Variants in ANKRD46 observed in about 807,000 individuals in gnomAD.
The protein encoded by ANKRD46 is ankyrin repeat domain 46.
Under a neutral mutation model 19.8 loss-of-function variants are expected in ANKRD46, and 13 were observed. That is an observed-to-expected ratio of 0.66 (90% CI 0.43 to 1.04). The LOEUF is 1.04. Among genes scored for constraint, ANKRD46 ranks in the 50% least tolerant of loss-of-function variants. ANKRD46 has a pLI of 0.00. For synonymous variants in ANKRD46, 91 were observed against 106.9 expected (o/e 0.85, Z 0.92); for missense variants, 185 against 274.8 (o/e 0.67, Z 2.31).
At position 100,527,824 on chromosome 8, in the gene ANKRD46, A is replaced by T. The variant is rs199605523; in HGVS notation, c.470+21T>A. On this transcript the variant is annotated intron_variant, in intron 4 of 4. Transcript: ENST00000335659. This position sits in a 1 kb window ranked among gnomAD's most constrained non-coding sequence, Gnocchi z 4.0. Reference sequence around the variant, plus strand: ...AGGAATGAGTAATACAGTGAGAAAAAAAAAGTTGTATCTCCAGTACCTTTC... The same window carrying T: ...AGGAATGAGTAATACAGTGAGAAAATAAAAGTTGTATCTCCAGTACCTTTC... 1.0e-4 allele frequency: 160 copies of T among 1,607,332 alleles called. No homozygotes were observed. In the East Asian group the frequency reaches 2.8e-3, roughly 28 times the overall value.
In ANKRD46 at chr8:100,533,250, G is replaced by A. The variant is rs1401670791; in HGVS notation, c.-69C>T. On this transcript the variant is annotated 5_prime_UTR_variant, in exon 2 of 5. Transcript: ENST00000335659. ...GATCTTTTCGTTCAGTGGTCACTCA[G>A]CAGTTTCTCTGAATTCTCAAGAAGG... 3.9e-5 allele frequency: 6 copies of A among 152,210 alleles called. No individual in the cohort carries two copies. The highest frequency in any genetic ancestry group is 1.4e-4 in the African/African-American group (6 of 41,458). 9.4% of individuals were successfully genotyped at this position (152,210 alleles called of 1,614,324 possible).
At chr8:100,528,091 C>CG in intron 3 of ANKRD46, 88 bp from the exon 4 acceptor site, 2 of 1,327,602 alleles carry the variant, frequency 1.5e-6, no homozygotes, top group Non-Finnish European at 2.0e-6. Context: ...TTTTTAGTAC[C>CG]CACTTATATA....
At chr8:100,556,148 G>T (rs1206712165) in intron 1 of ANKRD46, among the ~76,000 whole-genome samples, 2 of 152,176 alleles carry the variant, frequency 1.3e-5, no homozygotes, top group Non-Finnish European at 2.9e-5. Flanking sequence ...AGCCTTCCAA[G>T]TAGCTGGGAC....
intron 1 of ANKRD46, among the ~76,000 whole-genome samples, chr8:100,535,558 T>A (rs1365231339): frequency 1.3e-5 from 2 of 152,214 alleles, no homozygotes; most frequent in Admixed American, 6.5e-5. Context: ...TTCCCTCCCA[T>A]GCCAGTCTCT....
At chr8:100,513,952 T>C (rs898644834) in intron 5 of ANKRD46, among the ~76,000 whole-genome samples, 3 of 152,232 alleles carry the variant, frequency 2.0e-5, no homozygotes, top group African/African-American at 7.2e-5. Flanking sequence ...TCTTATGGAC[T>C]GAAATTTCGG....
chr8:100,529,461 A>C lies in ANKRD46; in HGVS notation c.311+62T>G, dbSNP rs1811911389. On this transcript the variant is annotated intron_variant, in intron 3 of 4. Coordinates refer to ENST00000335659, the MANE Select transcript of ANKRD46 (RefSeq NM_001270377.2). The surrounding 1 kb of genome is among the most constrained non-coding windows in gnomAD (Gnocchi z 5.8). ...ACAAAACCAACAGACCCAAGATAAG[A>C]TTATCAGTTGAGAGATTAATGGGAA... The C allele has an allele frequency of 6.7e-7, 1 of 1,483,362 alleles. No individual in the cohort carries two copies. Among genetic ancestry groups the C allele is most frequent in the Non-Finnish European group, 9.1e-7 (1 of 1,094,558 alleles). 91.9% of individuals were successfully genotyped at this position (1,483,362 alleles called of 1,614,324 possible). A position where few individuals can be genotyped will look rare whatever the true frequency, so the allele number is the denominator to read the frequency against.
chr8:100,519,436 G>A (rs1264748209), downstream of ANKRD46, among the ~76,000 whole-genome samples: 1 of 152,198 alleles, frequency 6.6e-6, no homozygotes, highest in Non-Finnish European at 1.5e-5. Context: ...AAAGATTCTG[G>A]ATGATGTCAC....
chr8:100,537,354 C>T lies in ANKRD46; in HGVS notation c.-130-4043G>A, dbSNP rs1363690680. 1.3e-5 allele frequency among the ~76,000 whole-genome samples: 2 copies of T among 152,136 alleles called. No homozygotes were observed. The highest frequency in any genetic ancestry group is 4.8e-5 in the African/African-American group (2 of 41,432). On this transcript the variant is annotated intron_variant, in intron 1 of 4. Coordinates refer to ENST00000335659, the MANE Select transcript of ANKRD46 (RefSeq NM_001270377.2). This position sits in a 1 kb window ranked among gnomAD's most constrained non-coding sequence, Gnocchi z 4.2. Reference sequence around the variant, plus strand: ...TTTGGTCAGAGATCAAAGCACCAGACATTTCAACAAAATGCAAGGAAAAAA... The same window carrying T: ...TTTGGTCAGAGATCAAAGCACCAGATATTTCAACAAAATGCAAGGAAAAAA...
chr8:100,549,470 GA>G (rs1812338195), intron 1 of ANKRD46, among the ~76,000 whole-genome samples: 1 of 152,126 alleles, frequency 6.6e-6, no homozygotes, highest in African/African-American at 2.4e-5. Context: ...AAAAAATTGA[GA>G]ATTCTGATTT....
rs1205002268 is a variant in ANKRD46 at position 100,529,226 on chromosome 8, G to A, written c.311+297C>T. Among the ~76,000 whole-genome samples the A allele has an allele frequency of 6.6e-6, 1 of 152,178 alleles. No homozygotes were observed. The highest frequency in any genetic ancestry group is 1.5e-5 in the Non-Finnish European group (1 of 68,036). ...TGAGCTAACAAGTAAACACAGTCTAGCTCATAGATTTTCAACAAATGTTCT... is the reference window on the plus strand; with the variant it reads ...TGAGCTAACAAGTAAACACAGTCTAACTCATAGATTTTCAACAAATGTTCT... On this transcript the variant is annotated intron_variant, in intron 3 of 4. Coordinates refer to ENST00000335659, the MANE Select transcript of ANKRD46 (RefSeq NM_001270377.2). The surrounding 1 kb of genome is among the most constrained non-coding windows in gnomAD (Gnocchi z 5.8).
At chr8:100,517,170 G>A (rs559001010), downstream of ANKRD46, among the ~76,000 whole-genome samples, 1 of 152,266 alleles carries the variant, frequency 6.6e-6, no homozygotes, top group South Asian at 2.1e-4. Context: ...ACTACTATTA[G>A]CACAGTTCAA....
At position 100,511,906 on chromosome 8, in the gene ANKRD46, C is replaced by T. The variant is rs879523756; in HGVS notation, c.637-1267G>A. Among the ~76,000 whole-genome samples, 17 of 152,132 alleles carry T rather than the reference C, an allele frequency of 1.1e-4. No homozygotes were observed. The highest frequency in any genetic ancestry group is 4.6e-4 in the Admixed American group (7 of 15,272). On this transcript the variant is annotated intron_variant, in intron 5 of 5. Coordinates refer to the ANKRD46 transcript ENST00000520552. The surrounding 1 kb of genome is among the most constrained non-coding windows in gnomAD (Gnocchi z 4.1). ...TGGGTGGGGTGGTGCATGCCTGTAA[C>T]CCCAGCTACTCGGGAAGCTGAGTCA... is the stretch of plus-strand genomic sequence containing the variant.
At chr8:100,520,692 A>T (rs1383231898), downstream of ANKRD46, 4 of 615,608 alleles carry the variant, frequency 6.5e-6, no homozygotes, top group African/African-American at 2.0e-5. Flanking sequence ...TTTAAAAAGC[A>T]GCTAATTGCA....
chr8:100,520,741 T>TTA (rs11433369), downstream of ANKRD46: 255 of 719,966 alleles, frequency 3.5e-4, no homozygotes, highest in Admixed American at 4.8e-4. Context: ...TATAATACAC[T>TTA]AAAAAAAAAA....
intron 1 of ANKRD46, among the ~76,000 whole-genome samples, chr8:100,549,969 A>G (rs2154640): frequency 0.84 from 127,106 of 152,156 alleles, 53,683 homozygotes; most frequent in African/African-American, 0.88. Context: ...TCTTTCCCTC[A>G]TAATACGTGT....
downstream of ANKRD46, among the ~76,000 whole-genome samples, chr8:100,516,319 A>G (rs544520792): frequency 5.3e-5 from 8 of 152,366 alleles, no homozygotes; most frequent in African/African-American, 1.9e-4. Context: ...AGAAAGACAC[A>G]AATAAGGTAA....
At chr8:100,556,031 A>C (rs1812492522) in intron 1 of ANKRD46, among the ~76,000 whole-genome samples, 1 of 152,200 alleles carries the variant, frequency 6.6e-6, no homozygotes, top group Non-Finnish European at 1.5e-5. Context: ...GCCTTAAGAT[A>C]AAAATTGCAT....
downstream of ANKRD46, among the ~76,000 whole-genome samples, chr8:100,518,921 T>G (rs1339614919): frequency 6.6e-6 from 1 of 152,052 alleles, no homozygotes; most frequent in Non-Finnish European, 1.5e-5. Context: ...AAATGTGAAA[T>G]GGTTGGGTTT....
Position 100,510,542 on chromosome 8 carries a change from C to G in ANKRD46, c.*35G>C. On this transcript the variant is annotated 3_prime_UTR_variant, in exon 6 of 6. Coordinates refer to the ANKRD46 transcript ENST00000520552. This position sits in a 1 kb window ranked among gnomAD's most constrained non-coding sequence, Gnocchi z 4.9. The stretch of plus-strand genomic sequence containing the variant: ...GTCTGTATCCCTTCTTTCTTGCCTT[C>G]TGAGGCTCAGGAGCACAGGACACTG... 6 of 1,526,088 alleles carry G rather than the reference C, an allele frequency of 3.9e-6. No individual in the cohort carries two copies. The highest frequency in any genetic ancestry group is 5.3e-6 in the Non-Finnish European group (6 of 1,140,938). The allele number at this position is 1,526,088 out of a possible 1,614,324, so 94.5% of individuals were successfully genotyped here.
Sources: gnomAD v4.1 joint callset for allele counts (sites outside exome capture counted in the v4.1 genomes callset) on GRCh38, gnomAD v4.1.1 for gene constraint, Gnocchi (gnomAD v3.1) non-coding constraint, MANE v1.5 for transcripts, NCBI Gene and HGNC (gene_info 2026-07-23, HGNC 2026-07-21) for gene names.